The following FRAS1 variants were observed in gnomAD, a reference collection of about 807,000 sequenced individuals.
The protein encoded by FRAS1 is extracellular matrix organizing protein FRAS1.
FRAS1 carries 290 observed loss-of-function variants against 435.2 expected under a neutral mutation model. The ratio of observed to expected loss-of-function variants is 0.67; its 90% CI spans 0.61 to 0.73. The LOEUF (loss-of-function observed/expected upper bound fraction) is 0.73. FRAS1 is among the 30% of genes least tolerant of loss of function. FRAS1 has a pLI of 0.00. For missense variants in FRAS1, 4,860 were observed against 5,001.5 expected, an observed-to-expected ratio of 0.97 and a Z score of 0.85; for synonymous variants, 1,800 against 1,851.0, an observed-to-expected ratio of 0.97 and a Z score of 0.71.
At chr4:78,095,962 T>A (rs1741783538) in intron 2 of FRAS1, among the ~76,000 whole-genome samples, 1 of 152,114 alleles carries the variant, frequency 6.6e-6, no homozygotes, top group Admixed American at 6.5e-5. Flanking sequence ...ATTCCAACAT[T>A]AACCCAAAAG....
At chr4:78,310,302 T>C (rs944604521) in intron 15 of FRAS1, among the ~76,000 whole-genome samples, 7 of 152,330 alleles carry the variant, frequency 4.6e-5, no homozygotes, top group Middle Eastern at 3.4e-3. Context: ...GGGATGCTGG[T>C]TACTGTCACT....
chr4:78,059,280 C>G (rs1739631955), intron 1 of FRAS1, among the ~76,000 whole-genome samples: 1 of 152,138 alleles, frequency 6.6e-6, no homozygotes, highest in African/African-American at 2.4e-5. Context: ...GGAGCAGCTG[C>G]CTTTTCTTTG....
At chr4:78,141,641 C>G (rs956012015) in intron 2 of FRAS1, among the ~76,000 whole-genome samples, 1 of 152,078 alleles carries the variant, frequency 6.6e-6, no homozygotes, top group South Asian at 2.1e-4. Context: ...GATGGAGGAT[C>G]ATAATGGGGC....
At chr4:78,064,801 T>C (rs538412300) in intron 1 of FRAS1, among the ~76,000 whole-genome samples, 1 of 151,844 alleles carries the variant, frequency 6.6e-6, no homozygotes, top group African/African-American at 2.4e-5. Context: ...TCATAAATGA[T>C]CCATTAGAGG....
chr4:78,086,523 C>T (rs1004209841), intron 2 of FRAS1, among the ~76,000 whole-genome samples: 2 of 151,930 alleles, frequency 1.3e-5, no homozygotes, highest in African/African-American at 4.8e-5. Context: ...ATTGATAGAC[C>T]ACTATCAAGA....
chr4:78,115,693 TA>T (rs1345388682), intron 2 of FRAS1, among the ~76,000 whole-genome samples: 1 of 152,212 alleles, frequency 6.6e-6, no homozygotes, highest in Admixed American at 6.5e-5. Flanking sequence ...TTTCATTTTT[TA>T]TTGCATCTAT....
At position 78,519,461 on chromosome 4, in the gene FRAS1, A is replaced by G. The variant is rs1335732743; in HGVS notation, c.10520A>G (p.Asp3507Gly). The change falls in exon 67 of 74, where the codon GAC (aspartate) becomes GGC (glycine). Residue 3507 changes from aspartate (D) to glycine (G), a missense_variant. Physicochemically the swap from Asp to Gly is moderately conservative, Grantham distance 94. Transcript: ENST00000512123. The part of the protein sequence containing the change: ...HTEMEFSFFY[D>G]TVLWRTGIQT... ...GAGATGGAGTTTTCTTTCTTCTATG[A>G]CACTGTTCTCTGGAGAACAGGTATG... is the stretch of plus-strand genomic sequence containing the variant. 1 of 1,611,234 alleles carries G rather than the reference A, an allele frequency of 6.2e-7. No homozygotes were observed. Among genetic ancestry groups the G allele is most frequent in the Non-Finnish European group, 8.5e-7 (1 of 1,178,806 alleles).
At chr4:78,483,164 T>C (rs568676937) in intron 58 of FRAS1, among the ~76,000 whole-genome samples, 2 of 152,300 alleles carry the variant, frequency 1.3e-5, no homozygotes, top group South Asian at 4.2e-4. Flanking sequence ...TGATCCAGCC[T>C]AAGGACTCTA....
At chr4:78,445,501 G>C (rs3749489) in intron 41 of FRAS1, 21 bp from the exon 42 acceptor site, 536,565 of 1,499,862 alleles carry the variant, frequency 0.36, 99,978 homozygotes, top group Admixed American at 0.43. Flanking sequence ...AGGTAAAAAT[G>C]CTCTCTTGAT....
intron 2 of FRAS1, among the ~76,000 whole-genome samples, chr4:78,202,268 C>A (rs1465327797): frequency 6.6e-6 from 1 of 152,102 alleles, no homozygotes; most frequent in Non-Finnish European, 1.5e-5. Flanking sequence ...AACTTTTAAC[C>A]CCTGATTTCT....
At chr4:78,133,900 C>T (rs1057411692) in intron 2 of FRAS1, among the ~76,000 whole-genome samples, 2 of 151,674 alleles carry the variant, frequency 1.3e-5, no homozygotes, top group African/African-American at 4.8e-5. Context: ...GACTGTGAAT[C>T]CTCAGTATAT....
chr4:78,239,157 T>C (rs1724890821), intron 3 of FRAS1, among the ~76,000 whole-genome samples: 1 of 152,182 alleles, frequency 6.6e-6, no homozygotes, highest in South Asian at 2.1e-4. Flanking sequence ...AAGTCTCCCA[T>C]CTTTGTTATA....
rs1731939193 is a variant in FRAS1 at position 78,379,811 on chromosome 4, G to A, written c.3378G>A (p.Leu1126=). 2 of 1,613,742 alleles carry A rather than the reference G, an allele frequency of 1.2e-6. No individual in the cohort carries two copies. The highest frequency in any genetic ancestry group is 4.5e-5 in the East Asian group (2 of 44,874). Residue 1126 remains leucine, a synonymous_variant, in exon 27 of 74, where the codon CTG becomes CTA. Transcript: ENST00000512123. The part of the protein sequence containing the change: ...GSIKPLDFSL[L]NVQDQEGRVE... ...TAAAGCCACTGGATTTTTCCCTCCT[G>A]AATGTCCAAGACCAGGAGGGTAGGG... is the stretch of plus-strand genomic sequence containing the variant.
intron 47 of FRAS1, among the ~76,000 whole-genome samples, chr4:78,462,748 G>A (rs756395025): frequency 6.6e-6 from 1 of 152,196 alleles, no homozygotes; most frequent in Non-Finnish European, 1.5e-5. Context: ...TTTCTTGCCT[G>A]TCAAGAACTG....
rs1395394974 is a variant in FRAS1, at chr4:78,519,427, C to T, written c.10486C>T (p.His3496Tyr). 3 of 1,611,690 alleles carry T rather than the reference C, an allele frequency of 1.9e-6. No individual in the cohort carries two copies. Among genetic ancestry groups the T allele is most frequent in the East Asian group, 2.2e-5 (1 of 44,796 alleles). ...TAPRGWASLE[H>Y]HTEMEFSFFY... is the part of the protein sequence containing the mutation. ...CCCCAGGGGCTGGGCCTCCTTGGAG[C>T]ACCACACCGAGATGGAGTTTTCTTT... The change falls in exon 67 of 74, where the codon CAC (histidine) becomes TAC (tyrosine). Residue 3496 changes from histidine (H) to tyrosine (Y), a missense_variant. By Grantham distance (83) the His-to-Tyr change is moderately conservative. Coordinates refer to ENST00000512123, the MANE Select transcript of FRAS1 (RefSeq NM_025074.7).
chr4:78,420,869 A>C (rs1733752092), intron 33 of FRAS1, among the ~76,000 whole-genome samples: 1 of 131,436 alleles, frequency 7.6e-6, no homozygotes, highest in African/African-American at 2.8e-5. Flanking sequence ...GAGGGACAGA[A>C]CTAATAGGAC....
intron 15 of FRAS1, among the ~76,000 whole-genome samples, chr4:78,314,176 T>C (rs141278366): frequency 1.5e-3 from 223 of 152,256 alleles, no homozygotes; most frequent in African/African-American, 5.1e-3. Context: ...ATACTTTTCC[T>C]GAATCACTCA....
chr4:78,191,274 C>T (rs758211360), intron 2 of FRAS1, among the ~76,000 whole-genome samples: 3 of 152,204 alleles, frequency 2.0e-5, no homozygotes, highest in Non-Finnish European at 4.4e-5. Flanking sequence ...TGGATCTTCT[C>T]ACCTTTCACC....
chr4:78,362,817 C>T (rs946203878), intron 20 of FRAS1, among the ~76,000 whole-genome samples: 2 of 152,042 alleles, frequency 1.3e-5, no homozygotes, highest in African/African-American at 4.8e-5. Flanking sequence ...ATCAGGTTGT[C>T]TCTTCCCCAA....
Sources: allele counts gnomAD v4.1 joint callset (sites outside exome capture counted in the v4.1 genomes callset), GRCh38; gene constraint gnomAD v4.1.1; transcripts MANE v1.5; gene names NCBI Gene and HGNC (gene_info 2026-07-23, HGNC 2026-07-21).